The following COLEC10 variants were observed in gnomAD, a reference collection of about 807,000 sequenced individuals.
COLEC10 encodes the protein collectin-10.
A neutral mutation model predicts 28.4 loss-of-function variants in COLEC10; 22 were observed. That is an observed-to-expected ratio of 0.78 (90% CI 0.55 to 1.11). The LOEUF (loss-of-function observed/expected upper bound fraction) is 1.11. Ranked by LOEUF, COLEC10 falls within the 50% of genes least tolerant of loss-of-function variation. The pLI is 0.00. For missense variants in COLEC10, 361 were observed against 344.1 expected (o/e 1.05, Z -0.39); for synonymous variants, 125 against 116.1 (o/e 1.08, Z -0.49).
chr8:119,075,705 G>A (rs1815215195), intron 1 of COLEC10, among the ~76,000 whole-genome samples: 1 of 152,054 alleles, frequency 6.6e-6, no homozygotes, highest in African/African-American at 2.4e-5. Context: ...GGAAACTAAA[G>A]CACACTGCTA....
intron 2 of COLEC10, among the ~76,000 whole-genome samples, chr8:119,022,158 T>C (rs903021001): frequency 3.3e-5 from 5 of 152,272 alleles, no homozygotes; most frequent in Admixed American, 2.0e-4. Context: ...AGGACTGTTA[T>C]AGAACTATCA....
chr8:119,045,367 C>G (rs1025012408), intron 2 of COLEC10, among the ~76,000 whole-genome samples: 1 of 152,180 alleles, frequency 6.6e-6, no homozygotes, highest in Non-Finnish European at 1.5e-5. Flanking sequence ...TGTGGCATGA[C>G]CAATTGGCTG....
At chr8:119,053,821 A>G (rs1388694874) in intron 2 of COLEC10, among the ~76,000 whole-genome samples, 1 of 152,034 alleles carries the variant, frequency 6.6e-6, no homozygotes, top group Non-Finnish European at 1.5e-5. Context: ...TCCCTTCTTT[A>G]TCCACGGGGG....
intron 1 of COLEC10, among the ~76,000 whole-genome samples, chr8:119,076,814 A>C (rs1815247986): frequency 6.6e-6 from 1 of 152,216 alleles, no homozygotes; most frequent in South Asian, 2.1e-4. Flanking sequence ...CAGACCACAT[A>C]CTGGGTGACC....
At chr8:119,001,005 G>T (rs1202200121) in intron 1 of COLEC10, among the ~76,000 whole-genome samples, 1 of 152,128 alleles carries the variant, frequency 6.6e-6, no homozygotes, top group African/African-American at 2.4e-5. Flanking sequence ...GAGGAGTTAT[G>T]GTCTGGACAT....
intron 2 of COLEC10, among the ~76,000 whole-genome samples, chr8:119,043,628 A>C (rs891187695): frequency 6.6e-6 from 1 of 152,222 alleles, no homozygotes; most frequent in African/African-American, 2.4e-5. Flanking sequence ...CATCACCAAC[A>C]GTACATTCCC....
chr8:119,043,538 A>G (rs1245233539), intron 2 of COLEC10, among the ~76,000 whole-genome samples: 4 of 152,206 alleles, frequency 2.6e-5, no homozygotes, highest in Non-Finnish European at 1.5e-5. Context: ...CTGTCACTGA[A>G]CTACCAAGTT....
chr8:119,041,590 G>A (rs1344197400), intron 2 of COLEC10, among the ~76,000 whole-genome samples: 2 of 152,064 alleles, frequency 1.3e-5, no homozygotes, highest in African/African-American at 4.8e-5. Flanking sequence ...CATTTTGTGT[G>A]CTTATGAAAT....
At chr8:119,067,999 C>T (rs1438887900) in intron 1 of COLEC10, 1 of 151,238 alleles carries the variant, frequency 6.6e-6, no homozygotes, top group Non-Finnish European at 1.5e-5. Context: ...CAAATGCCTT[C>T]TGCTCAAGGA....
intron 4 of COLEC10, among the ~76,000 whole-genome samples, chr8:119,103,307 A>G (rs1815875851): frequency 6.6e-6 from 1 of 152,214 alleles, no homozygotes; most frequent in South Asian, 2.1e-4. Context: ...TGAAACATGC[A>G]AGCTGTATTT....
At chr8:119,028,573 G>A (rs1027466864) in intron 2 of COLEC10, among the ~76,000 whole-genome samples, 2 of 152,094 alleles carry the variant, frequency 1.3e-5, no homozygotes, top group African/African-American at 2.4e-5. Flanking sequence ...AGAATAGCAC[G>A]GGAAAGATCA....
intron 2 of COLEC10, among the ~76,000 whole-genome samples, chr8:119,056,563 G>T (rs1235730939): frequency 6.6e-6 from 1 of 152,006 alleles, no homozygotes; most frequent in African/African-American, 2.4e-5. Flanking sequence ...GAGAAGTCAT[G>T]GTTGCTGGCA....
chr8:119,077,068 G>T (rs1815253322), intron 1 of COLEC10, among the ~76,000 whole-genome samples: 1 of 152,120 alleles, frequency 6.6e-6, no homozygotes, highest in Non-Finnish European at 1.5e-5. Flanking sequence ...TGATTCTGGG[G>T]CAAAGCCAGT....
chr8:118,963,558 G>A, the COLEC10 span, among the ~76,000 whole-genome samples: 1 of 152,100 alleles, frequency 6.6e-6, no homozygotes, highest in African/African-American at 2.4e-5. Context: ...ATTCTAAGAT[G>A]CCCATTTATT....
At chr8:119,094,732 C>G (rs528654278) in intron 3 of COLEC10, among the ~76,000 whole-genome samples, 1 of 152,112 alleles carries the variant, frequency 6.6e-6, no homozygotes, top group Non-Finnish European at 1.5e-5. Context: ...CCAGGAAATG[C>G]CCCCATATTC....
At chr8:118,958,567 C>T in the COLEC10 span, among the ~76,000 whole-genome samples, 2 of 152,144 alleles carry the variant, frequency 1.3e-5, no homozygotes, top group Admixed American at 1.3e-4. Context: ...TTCATGAACA[C>T]TATGGGTCTT....
At chr8:119,074,304 A>ACAC (rs1386712729) in intron 1 of COLEC10, among the ~76,000 whole-genome samples, 1 of 152,206 alleles carries the variant, frequency 6.6e-6, no homozygotes, top group East Asian at 1.9e-4. Flanking sequence ...TTACATTGTA[A>ACAC]CACAAAGGAT....
In COLEC10 at chr8:118,997,963, CTTGT is replaced by C. The variant is rs535178521; in HGVS notation, n.122+2391_122+2394del. Among the ~76,000 whole-genome samples the C allele has an allele frequency of 1.8e-3, 275 of 152,222 alleles. 2 individuals are homozygous for C. Among genetic ancestry groups the C allele is most frequent in the African/African-American group, 6.4e-3 (266 of 41,552 alleles). On this transcript the variant is annotated intron_variant and non_coding_transcript_variant, in intron 1 of 6. Transcript: ENST00000521788. ...ATTTCATATGATAAAATAAATTCAT[CTTGT>C]ACTCCATTAAGGTGGCAGCATTGAA... is the stretch of plus-strand genomic sequence containing the variant.
At chr8:119,045,046 T>C (rs2130163380) in intron 2 of COLEC10, among the ~76,000 whole-genome samples, 1 of 152,348 alleles carries the variant, frequency 6.6e-6, no homozygotes, top group Admixed American at 6.5e-5. Flanking sequence ...TTCCACAATT[T>C]TTTCCTTCCC....
Sources: allele counts gnomAD v4.1 joint callset (sites outside exome capture counted in the v4.1 genomes callset), GRCh38; gene constraint gnomAD v4.1.1; transcripts MANE v1.5; gene names NCBI Gene and HGNC (gene_info 2026-07-23, HGNC 2026-07-21).